Variants in ZCCHC7 observed in about 807,000 individuals in gnomAD.
ZCCHC7 encodes zinc finger CCHC domain-containing protein 7.
ZCCHC7 carries 35 observed loss-of-function variants against 52.0 expected under a neutral mutation model. The observed-to-expected ratio is 0.67, with a 90% CI of 0.51 to 0.89. ZCCHC7 has a LOEUF of 0.89. Among genes scored for constraint, ZCCHC7 ranks in the 40% least tolerant of loss-of-function variants. ZCCHC7 has a pLI of 0.00. For synonymous variants in ZCCHC7, 217 were observed against 221.5 expected, an observed-to-expected ratio of 0.98 and a Z score of 0.18; for missense variants, 574 against 649.1, an observed-to-expected ratio of 0.88 and a Z score of 1.26.
At chr9:37,157,579 A>G (rs1344663847) in intron 2 of ZCCHC7, among the ~76,000 whole-genome samples, 1 of 152,188 alleles carries the variant, frequency 6.6e-6, no homozygotes, top group Non-Finnish European at 1.5e-5. Context: ...TGTATAAGGA[A>G]CTCATAATAC....
At chr9:37,293,258 A>G (rs1828621569) in intron 2 of ZCCHC7, among the ~76,000 whole-genome samples, 1 of 152,194 alleles carries the variant, frequency 6.6e-6, no homozygotes, top group African/African-American at 2.4e-5. Context: ...AAATTATAGG[A>G]AAAAAGCAAA....
intron 2 of ZCCHC7, among the ~76,000 whole-genome samples, chr9:37,296,699 C>T (rs1025528945): frequency 6.6e-6 from 1 of 151,924 alleles, no homozygotes; most frequent in Non-Finnish European, 1.5e-5. Context: ...GTTTTACTTA[C>T]TTACTTTATT....
intron 5 of ZCCHC7, among the ~76,000 whole-genome samples, chr9:37,322,910 C>T (rs1307627594): frequency 6.6e-6 from 1 of 152,056 alleles, no homozygotes; most frequent in Admixed American, 6.6e-5. Context: ...TTTATTTCTG[C>T]ATCAGCAGTA....
At chr9:37,285,732 A>T (rs1027357868) in intron 2 of ZCCHC7, among the ~76,000 whole-genome samples, 16 of 152,210 alleles carry the variant, frequency 1.1e-4, no homozygotes, top group Admixed American at 6.5e-5. Flanking sequence ...AGATTTTTTT[A>T]AATTGGCATA....
At chr9:37,299,227 T>G (rs529595398) in intron 2 of ZCCHC7, among the ~76,000 whole-genome samples, 2 of 152,330 alleles carry the variant, frequency 1.3e-5, no homozygotes, top group South Asian at 2.1e-4. Flanking sequence ...GGAAGATGAG[T>G]GTTCCTGGGC....
chr9:37,227,046 A>AC (rs34039695), intron 2 of ZCCHC7, among the ~76,000 whole-genome samples: 1 of 151,542 alleles, frequency 6.6e-6, no homozygotes, highest in African/African-American at 2.4e-5. Context: ...AAAAAAAAAA[A>AC]CCAGGATATC....
At chr9:37,337,397 ACCCAC>A (rs1480878868) in intron 6 of ZCCHC7, among the ~76,000 whole-genome samples, 3 of 17,266 alleles carry the variant, frequency 1.7e-4, no homozygotes, top group African/African-American at 2.5e-4. Flanking sequence ...CACCCTACCC[ACCCAC>A]CCCCCCCCCC....
At chr9:37,200,646 C>T (rs903184597) in intron 2 of ZCCHC7, among the ~76,000 whole-genome samples, 6 of 151,958 alleles carry the variant, frequency 3.9e-5, no homozygotes, top group East Asian at 1.9e-4. Flanking sequence ...AGGGTAGAAG[C>T]GGGAGCCAAT....
chr9:37,224,410 T>C (rs551119438), intron 2 of ZCCHC7, among the ~76,000 whole-genome samples: 50 of 152,260 alleles, frequency 3.3e-4, no homozygotes, highest in Non-Finnish European at 6.2e-4. Flanking sequence ...TTAAAGAACA[T>C]AGGAGTAATG....
rs560369803 is a variant in ZCCHC7, at chr9:37,288,736, G to C, written c.611-13452G>C. Among the ~76,000 whole-genome samples, 11 of 152,170 alleles carry C rather than the reference G, an allele frequency of 7.2e-5. No individual in the cohort carries two copies. In the South Asian group the frequency reaches 2.3e-3, roughly 32 times the overall value. ...CCATAATCGATAACACCTCTTCTTT[G>C]ATAGATACATTGTGTTTAGTTGGTT... On this transcript the variant is annotated intron_variant, in intron 2 of 8. Transcript: ENST00000336755.
intron 2 of ZCCHC7, among the ~76,000 whole-genome samples, chr9:37,228,709 A>T (rs548614952): frequency 6.6e-6 from 1 of 152,032 alleles, no homozygotes; most frequent in East Asian, 1.9e-4. Context: ...TGATATAAGA[A>T]AATATGAATT....
chr9:37,253,734 A>G (rs1012656512), intron 2 of ZCCHC7, among the ~76,000 whole-genome samples: 5 of 152,036 alleles, frequency 3.3e-5, no homozygotes, highest in Non-Finnish European at 5.9e-5. Flanking sequence ...TAGTTATCAC[A>G]TGTCATCACA....
intron 2 of ZCCHC7, among the ~76,000 whole-genome samples, chr9:37,169,517 CTATGGA>C (rs1007320313): frequency 7.9e-5 from 12 of 152,154 alleles, no homozygotes; most frequent in Admixed American, 2.6e-4. Flanking sequence ...GGGAATTTCA[CTATGGA>C]TACTTTATCT....
chr9:37,236,951 C>A (rs1825681654), intron 2 of ZCCHC7, among the ~76,000 whole-genome samples: 1 of 152,162 alleles, frequency 6.6e-6, no homozygotes, highest in South Asian at 2.1e-4. Context: ...TCAATTTGAA[C>A]TTCTTCAAGA....
chr9:37,330,903 A>G (rs1370048569), intron 6 of ZCCHC7, among the ~76,000 whole-genome samples: 1 of 151,694 alleles, frequency 6.6e-6, no homozygotes, highest in Non-Finnish European at 1.5e-5. Context: ...AGTAGAGGCT[A>G]TGATTTGACA....
intron 1 of ZCCHC7, among the ~76,000 whole-genome samples, chr9:37,124,323 C>A (rs1842449458): frequency 6.6e-6 from 1 of 151,672 alleles, no homozygotes; most frequent in African/African-American, 2.4e-5. Context: ...GAATTTAAGA[C>A]TTTGGAGTAG....
intron 2 of ZCCHC7, among the ~76,000 whole-genome samples, chr9:37,275,733 C>T (rs1477033715): frequency 2.6e-5 from 4 of 152,204 alleles, no homozygotes; most frequent in African/African-American, 9.6e-5. Context: ...ACCTCCGCCT[C>T]CCAGGTTCAA....
intron 5 of ZCCHC7, among the ~76,000 whole-genome samples, chr9:37,316,875 TTTTTTTTTAA>T (rs1044913484): frequency 1.3e-5 from 2 of 151,782 alleles, no homozygotes; most frequent in African/African-American, 4.8e-5. Flanking sequence ...CCTCTTTTTT[TTTTTTTTTAA>T]TATACCAATA....
At chr9:37,189,980 T>A (rs1271268395) in intron 2 of ZCCHC7, among the ~76,000 whole-genome samples, 1 of 152,178 alleles carries the variant, frequency 6.6e-6, no homozygotes, top group Non-Finnish European at 1.5e-5. Flanking sequence ...TGCTTCTCCT[T>A]CTTCATAATC....
Sources: gnomAD v4.1 joint callset for allele counts (sites outside exome capture counted in the v4.1 genomes callset) on GRCh38, gnomAD v4.1.1 for gene constraint, MANE v1.5 for transcripts, NCBI Gene and HGNC (gene_info 2026-07-23, HGNC 2026-07-21) for gene names.